PAX3: variants seen among roughly 807,000 people sequenced by gnomAD.
PAX3 encodes the protein paired box 3.
PAX3 carries 14 observed loss-of-function variants against 51.6 expected under a neutral mutation model. The ratio of observed to expected loss-of-function variants is 0.27; its 90% CI spans 0.18 to 0.42. The LOEUF is 0.42. PAX3 is among the 10% of genes least tolerant of loss of function. The pLI, the probability that PAX3 is intolerant of heterozygous loss-of-function variation, is 1.00. For synonymous variants in PAX3, 280 were observed against 253.4 expected, an observed-to-expected ratio of 1.11 and a Z score of -1.00; for missense variants, 540 against 642.8, an observed-to-expected ratio of 0.84 and a Z score of 1.73.
chr2:222,278,146 T>C (rs966259900), intron 4 of PAX3, among the ~76,000 whole-genome samples: 2 of 152,278 alleles, frequency 1.3e-5, no homozygotes, highest in Admixed American at 6.5e-5. Flanking sequence ...ATTGGTGGAC[T>C]CAATCCCAGT....
chr2:222,295,464 T>C, intron 3 of PAX3, 64 bp downstream of exon 3: 6 of 1,583,228 alleles, frequency 3.8e-6, no homozygotes, highest in Non-Finnish European at 5.2e-6. Flanking sequence ...TACGTCTGGG[T>C]CGACGTGCCG....
chr2:222,227,407 G>A (rs1692424840), intron 5 of PAX3, among the ~76,000 whole-genome samples: 1 of 152,012 alleles, frequency 6.6e-6, no homozygotes, highest in South Asian at 2.1e-4. Context: ...ACCAGCCTTG[G>A]CAACATGGTG....
Position 222,221,425 on chromosome 2 carries a change from G to T in PAX3, c.793-38C>A, listed in dbSNP as rs1450079403. 2.6e-6 allele frequency: 4 copies of T among 1,555,606 alleles called. No homozygotes were observed. The South Asian group carries it at 4.5e-5, about 17-fold the overall frequency. Reference sequence around the variant, plus strand: ...TTTAAAATTTAAGGATTTCACTGATGAAATAATAGTACATTCTTAATGAAT... The same window carrying T: ...TTTAAAATTTAAGGATTTCACTGATTAAATAATAGTACATTCTTAATGAAT... On this transcript the variant is annotated intron_variant, in intron 5 of 8. Coordinates refer to ENST00000392070, the MANE Select transcript of PAX3 (RefSeq NM_181458.4).
At chr2:222,283,907 TGGG>T (rs925626293) in intron 4 of PAX3, among the ~76,000 whole-genome samples, 1 of 152,162 alleles carries the variant, frequency 6.6e-6, no homozygotes, top group Non-Finnish European at 1.5e-5. Context: ...GGGAGAAACA[TGGG>T]GGCAGGAGCT....
intron 4 of PAX3, among the ~76,000 whole-genome samples, chr2:222,278,999 GGA>G (rs1330079333): frequency 6.6e-6 from 1 of 152,192 alleles, no homozygotes; most frequent in Non-Finnish European, 1.5e-5. Flanking sequence ...TGCCCAGGCT[GGA>G]GTGCAGTGGT....
In PAX3 at chr2:222,220,299, A is replaced by G; in HGVS notation, c.1014T>C (p.Thr338=). The change falls in exon 7 of 9, where the codon ACT becomes ACC. Residue 338 remains threonine (T), a synonymous_variant. Transcript: ENST00000392070. ...VHRPQPLPPS[T]VHQSTIPSNP... ...TGGAAGGAATCGTGCTTTGGTGTAC[A>G]GTGCTTGGAGGAAGCGGTTGAGGTC... 6.2e-7 allele frequency: 1 copy of G among 1,614,102 alleles called. No individual in the cohort carries two copies. The highest frequency in any genetic ancestry group is 2.2e-5 in the East Asian group (1 of 44,872).
intron 4 of PAX3, among the ~76,000 whole-genome samples, chr2:222,255,007 T>C (rs181024388): frequency 6.6e-6 from 1 of 152,228 alleles, no homozygotes; most frequent in Non-Finnish European, 1.5e-5. Context: ...GGTCTCAAAC[T>C]CCTGACCTCA....
At chr2:222,248,421 A>G (rs944557880) in intron 4 of PAX3, among the ~76,000 whole-genome samples, 8 of 152,196 alleles carry the variant, frequency 5.3e-5, no homozygotes, top group Non-Finnish European at 8.8e-5. Flanking sequence ...GCCCAGTTTC[A>G]CAAAGCATTC....
chr2:222,221,487 A>C, intron 5 of PAX3, 100 bp from the exon 6 acceptor site: 1 of 1,094,138 alleles, frequency 9.1e-7, no homozygotes, highest in Non-Finnish European at 1.4e-6. Context: ...TTCTTACTGA[A>C]AGGGCAAATA....
At chr2:222,282,176 T>C (rs1694670234) in intron 4 of PAX3, among the ~76,000 whole-genome samples, 1 of 152,142 alleles carries the variant, frequency 6.6e-6, no homozygotes, top group South Asian at 2.1e-4. Context: ...CTCTATAATA[T>C]TCGCTGGCAA....
intron 2 of PAX3, 94 bp from the exon 3 acceptor site, chr2:222,295,751 G>T (rs919130765): frequency 2.1e-6 from 3 of 1,411,268 alleles, no homozygotes; most frequent in Non-Finnish European, 3.0e-6. Flanking sequence ...GATGCTCCTC[G>T]CTGAATCCTC....
intron 4 of PAX3, among the ~76,000 whole-genome samples, chr2:222,239,207 G>A (rs1022556721): frequency 2.0e-5 from 3 of 152,140 alleles, no homozygotes; most frequent in East Asian, 1.9e-4. Flanking sequence ...CGATTTCCAC[G>A]CTCCATCTGT....
intron 4 of PAX3, among the ~76,000 whole-genome samples, chr2:222,258,823 G>A (rs1040600432): frequency 2.6e-5 from 4 of 152,188 alleles, no homozygotes; most frequent in African/African-American, 9.7e-5. Flanking sequence ...ATGTTCTAAT[G>A]TGTGGATCTG....
In PAX3 at chr2:222,202,189, A is replaced by G. The variant is rs906415673; in HGVS notation, c.1175T>C (p.Val392Ala). The change falls in exon 8 of 9, where the codon GTA becomes GCA. Residue 392 changes from valine to alanine, a missense_variant and splice_region_variant. Val to Ala is a moderately conservative substitution (Grantham distance 64). Transcript: ENST00000392070. The part of the protein sequence containing the change: ...PTIGNGLSPQ[V>A]MGLLTNHGGV... ...ACCGTGGTTGGTCAGGAGTCCCATT[A>G]CCTAAAAAAACAGCCAGATTGGGAA... 5 of 1,584,282 alleles carry G rather than the reference A, an allele frequency of 3.2e-6. No individual in the cohort carries two copies. The Admixed American group carries it at 7.2e-5, about 23-fold the overall frequency.
chr2:222,248,160 C>G (rs1276395840), intron 4 of PAX3, among the ~76,000 whole-genome samples: 1 of 152,000 alleles, frequency 6.6e-6, no homozygotes, highest in African/African-American at 2.4e-5. Flanking sequence ...TAATAAATTC[C>G]AAAGTAAATT....
Position 222,277,539 on chromosome 2 carries a change from C to T in PAX3, c.586+16628G>A, listed in dbSNP as rs574708412. On this transcript the variant is annotated intron_variant, in intron 4 of 8. Transcript: ENST00000392070. ...CCACTTTGACAGTCCAATAGGAACA[C>T]AAGATCATTTAAATCAAGCTTGTTC... Among the ~76,000 whole-genome samples the T allele has an allele frequency of 1.6e-4, 25 of 152,212 alleles. No individual in the cohort carries two copies. The South Asian group carries it at 5.2e-3, about 32-fold the overall frequency.
rs557533011 is a variant in PAX3 at position 222,297,577 on chromosome 2, C to T, written c.86-364G>A. Among the ~76,000 whole-genome samples the T allele has an allele frequency of 6.6e-5, 10 of 152,318 alleles. No individual in the cohort carries two copies. The East Asian group carries it at 1.7e-3, about 27-fold the overall frequency. On this transcript the variant is annotated intron_variant, in intron 1 of 8. Transcript: ENST00000392070. Reference sequence around the variant, plus strand: ...TGGCGAAGAGAAGTTCACCCAGGAGCTGGCCTTGATGAACTCTGCTCCCAC... The same window carrying T: ...TGGCGAAGAGAAGTTCACCCAGGAGTTGGCCTTGATGAACTCTGCTCCCAC...
chr2:222,234,314 C>T (rs1468848158), intron 4 of PAX3, among the ~76,000 whole-genome samples: 5 of 151,960 alleles, frequency 3.3e-5, no homozygotes, highest in Non-Finnish European at 5.9e-5. Context: ...ATAAATCTTA[C>T]GTTAGGATAT....
intron 4 of PAX3, among the ~76,000 whole-genome samples, chr2:222,266,479 C>G (rs1328925456): frequency 6.6e-6 from 1 of 152,212 alleles, no homozygotes; most frequent in African/African-American, 2.4e-5. Flanking sequence ...AAAGTAGCCC[C>G]CTCCTCAGTT....
Sources: allele counts gnomAD v4.1 joint callset (sites outside exome capture counted in the v4.1 genomes callset), GRCh38; gene constraint gnomAD v4.1.1; transcripts MANE v1.5; gene names NCBI Gene and HGNC (gene_info 2026-07-23, HGNC 2026-07-21).